AK9: variants seen among roughly 807,000 people sequenced by gnomAD.
AK9 encodes adenylate kinase domain containing 1.
Under a neutral mutation model 239.6 loss-of-function variants are expected in AK9, and 191 were observed. That is an observed-to-expected ratio of 0.80 (90% CI 0.71 to 0.90). AK9 has a LOEUF of 0.90. AK9 is among the 40% of genes least tolerant of loss of function. AK9 has a pLI of 0.00. For missense variants in AK9, 1,995 were observed against 2,214.7 expected, an observed-to-expected ratio of 0.90 and a Z score of 1.99; for synonymous variants, 689 against 721.0, an observed-to-expected ratio of 0.96 and a Z score of 0.71.
intron 6 of AK9, among the ~76,000 whole-genome samples, chr6:109,660,226 G>A (rs545781544): frequency 6.6e-6 from 1 of 152,124 alleles, no homozygotes; most frequent in Non-Finnish European, 1.5e-5. Context: ...ATGATGGTTT[G>A]AGGTTGTAAA....
chr6:109,557,312 A>G (rs6925886), intron 24 of AK9, among the ~76,000 whole-genome samples: 107,155 of 151,872 alleles, frequency 0.71, 38,290 homozygotes, highest in East Asian at 0.99. Flanking sequence ...ATTTGCCCCC[A>G]TGCCTGAAGA....
chr6:109,662,514 T>C (rs2128319487), intron 6 of AK9, 37 bp downstream of exon 6: 2 of 1,405,452 alleles, frequency 1.4e-6, no homozygotes, highest in Non-Finnish European at 1.9e-6. Context: ...TCAAAAAGAA[T>C]GGTTTACTCT....
chr6:109,495,308 C>T (rs1278865380), intron 39 of AK9, 30 bp downstream of exon 39: 2 of 1,516,592 alleles, frequency 1.3e-6, no homozygotes, highest in East Asian at 2.3e-5. Flanking sequence ...ATTCTTCTAA[C>T]ATATATAACA....
At chr6:109,547,725 A>G (rs1370456838) in intron 25 of AK9, among the ~76,000 whole-genome samples, 1 of 152,088 alleles carries the variant, frequency 6.6e-6, no homozygotes, top group Non-Finnish European at 1.5e-5. Flanking sequence ...AAACCTCTGT[A>G]TCACAAAGAA....
At chr6:109,610,651 G>T in intron 16 of AK9, 138 bp from the exon 17 acceptor site, 1 of 959,146 alleles carries the variant, frequency 1.0e-6, no homozygotes, top group Non-Finnish European at 1.5e-6. Context: ...TGGAAGGAGG[G>T]AGAAATAAGA....
At chr6:109,509,779 G>A (rs1036035201) in intron 32 of AK9, among the ~76,000 whole-genome samples, 1 of 152,098 alleles carries the variant, frequency 6.6e-6, no homozygotes, top group African/African-American at 2.4e-5. Context: ...GAGCAGGCAG[G>A]AGCTGCGGAC....
At chr6:109,517,793 G>A (rs538897649) in intron 29 of AK9, among the ~76,000 whole-genome samples, 1 of 152,266 alleles carries the variant, frequency 6.6e-6, no homozygotes, top group East Asian at 1.9e-4. Flanking sequence ...TTGGTACTAA[G>A]TCGTATTGTG....
At chr6:109,560,686 T>C (rs75117247) in intron 24 of AK9, among the ~76,000 whole-genome samples, 2,240 of 152,322 alleles carry the variant, frequency 0.015, 59 homozygotes, top group African/African-American at 0.051. Context: ...TAAGAATGTC[T>C]ATATCTATAT....
chr6:109,633,732 G>C (rs1796389173), intron 10 of AK9, among the ~76,000 whole-genome samples: 1 of 152,058 alleles, frequency 6.6e-6, no homozygotes, highest in Non-Finnish European at 1.5e-5. Context: ...AATTTACCTT[G>C]GCTTTCACAT....
intron 27 of AK9, among the ~76,000 whole-genome samples, chr6:109,536,729 T>C (rs931693064): frequency 2.6e-5 from 4 of 152,356 alleles, no homozygotes; most frequent in Admixed American, 1.3e-4. Context: ...AGTATGATAT[T>C]GGCTGTGGGT....
chr6:109,579,514 C>G (rs867759299), intron 20 of AK9, 36 bp downstream of exon 20: 1 of 1,520,338 alleles, frequency 6.6e-7, no homozygotes, highest in Middle Eastern at 1.7e-4. Flanking sequence ...GTAACAATAC[C>G]ATGACACATC....
chr6:109,632,900 T>C (rs202097742), intron 12 of AK9, 23 bp downstream of exon 12: 23 of 1,601,290 alleles, frequency 1.4e-5, no homozygotes, highest in South Asian at 5.6e-5. Context: ...GATAGATAGA[T>C]AGACAGATAG....
chr6:109,564,860 C>T lies in AK9; in HGVS notation c.2345-15G>A, dbSNP rs1039516562. 16 of 1,501,470 alleles carry T rather than the reference C, an allele frequency of 1.1e-5. No individual in the cohort carries two copies. The African/African-American group carries it at 1.1e-4, about 10-fold the overall frequency. 93.0% of individuals were successfully genotyped at this position (1,501,470 alleles called of 1,614,324 possible). ...AGGCTCAGATACTTAAGAAAGAAATCGAATAGTTAGTGTTTAAATTTGAAA... is the reference window on the plus strand; with the variant it reads ...AGGCTCAGATACTTAAGAAAGAAATTGAATAGTTAGTGTTTAAATTTGAAA... On this transcript the variant is annotated splice_polypyrimidine_tract_variant and intron_variant, in intron 21 of 40. Coordinates refer to ENST00000424296, the MANE Select transcript of AK9 (RefSeq NM_001145128.3).
chr6:109,494,141 T>A, intron 39 of AK9, 46 bp from the exon 40 acceptor site: 1 of 1,428,378 alleles, frequency 7.0e-7, no homozygotes, highest in Non-Finnish European at 9.8e-7. Context: ...TTGAGTTTGG[T>A]TTCTTTTCTT....
At chr6:109,619,644 C>A (rs998185423) in intron 12 of AK9, among the ~76,000 whole-genome samples, 1 of 151,938 alleles carries the variant, frequency 6.6e-6, no homozygotes, top group Admixed American at 6.6e-5. Flanking sequence ...TAACCACAAT[C>A]AAGATATAGA....
chr6:109,623,372 T>C (rs936738029), intron 12 of AK9, among the ~76,000 whole-genome samples: 4 of 152,186 alleles, frequency 2.6e-5, no homozygotes, highest in African/African-American at 4.8e-5. Flanking sequence ...AAAAACATTA[T>C]AGCTTCCTCC....
Position 109,514,383 on chromosome 6 carries a change from G to C in AK9, c.4120C>G (p.Pro1374Ala). The C allele has an allele frequency of 1.9e-6, 3 of 1,550,404 alleles. No homozygotes were observed. Among genetic ancestry groups the C allele is most frequent in the Non-Finnish European group, 2.6e-6 (3 of 1,146,780 alleles). Residue 1374 changes from proline to alanine, a missense_variant, in exon 32 of 41, where the codon CCT becomes GCT. Transcript: ENST00000424296. ...TAAATATACTGACGATGGATTACAG[G>C]ATAAATTGGATTCTCTGCATTTTCA... Reference protein sequence around the residue: ...PVENAENPIYPVIHRQYIYFL... With the variant: ...PVENAENPIYAVIHRQYIYFL...
At chr6:109,611,903 AT>A (rs1302772442) in intron 16 of AK9, 106 bp downstream of exon 16, 164 of 784,178 alleles carry the variant, frequency 2.1e-4, no homozygotes, top group East Asian at 4.8e-4. Context: ...TCATGCTTTT[AT>A]TTTTTTTGAA....
chr6:109,614,223 T>A lies in AK9; in HGVS notation c.1569A>T (p.Glu523Asp). The A allele has an allele frequency of 6.4e-7, 1 of 1,551,346 alleles. No homozygotes were observed. The highest frequency in any genetic ancestry group is 1.4e-5 in the African/African-American group (1 of 73,126). Residue 523 changes from glutamate (E) to aspartate (D), a missense_variant, in exon 15 of 41, where the codon GAA becomes GAT. Glu to Asp is a conservative substitution (Grantham distance 45, BLOSUM62 2). Transcript: ENST00000424296. ...VDTEEAKTKS[E>D]NVLHDQAAKV... ...TAGCAGCTTGATCATGGAGGACATT[T>A]TCTGACTTTGTTTTGGCTTCTTCGG...
Sources: gnomAD v4.1 joint callset for allele counts (sites outside exome capture counted in the v4.1 genomes callset) on GRCh38, gnomAD v4.1.1 for gene constraint, MANE v1.5 for transcripts, NCBI Gene and HGNC (gene_info 2026-07-23, HGNC 2026-07-21) for gene names.